CNTN5: variants seen among roughly 807,000 people sequenced by gnomAD.
The protein encoded by CNTN5 is contactin-5.
A neutral mutation model predicts 129.1 loss-of-function variants in CNTN5; 77 were observed. That is an observed-to-expected ratio of 0.60 (90% CI 0.50 to 0.72). The LOEUF (loss-of-function observed/expected upper bound fraction) is 0.72, where lower values mean the gene tolerates loss of function less well. CNTN5 is among the 30% of genes least tolerant of loss of function. CNTN5 has a pLI of 0.00. For synonymous variants in CNTN5, 509 were observed against 465.6 expected (o/e 1.09, Z -1.20); for missense variants, 1,478 against 1,328.8 (o/e 1.11, Z -1.75).
At chr11:99,566,149 T>G (rs1200734749) in intron 3 of CNTN5, among the ~76,000 whole-genome samples, 1 of 152,160 alleles carries the variant, frequency 6.6e-6, no homozygotes, top group African/African-American at 2.4e-5. Context: ...CCTGAATAGC[T>G]TGGTGCCCTC....
At chr11:100,096,892 A>T (rs1009575091) in intron 13 of CNTN5, among the ~76,000 whole-genome samples, 4 of 152,116 alleles carry the variant, frequency 2.6e-5, no homozygotes, top group African/African-American at 7.2e-5. Flanking sequence ...GTAGATGGAA[A>T]AAGCTTTTTT....
At chr11:99,340,297 G>C (rs1467998187) in intron 2 of CNTN5, among the ~76,000 whole-genome samples, 1 of 152,122 alleles carries the variant, frequency 6.6e-6, no homozygotes, top group East Asian at 1.9e-4. Context: ...TATAAATTTG[G>C]AGTATAAGGA....
At chr11:99,029,985 T>C (rs1233125865) in intron 1 of CNTN5, among the ~76,000 whole-genome samples, 3 of 152,124 alleles carry the variant, frequency 2.0e-5, no homozygotes, top group African/African-American at 7.2e-5. Context: ...AATGAAAATC[T>C]AGGGATTGAC....
At chr11:99,753,868 A>G (rs1040213135) in intron 3 of CNTN5, among the ~76,000 whole-genome samples, 2 of 150,992 alleles carry the variant, frequency 1.3e-5, no homozygotes, top group African/African-American at 4.9e-5. Flanking sequence ...TTGTATTTTT[A>G]GTAGAAATGG....
At chr11:99,577,879 C>A (rs2135597388) in intron 3 of CNTN5, among the ~76,000 whole-genome samples, 1 of 151,526 alleles carries the variant, frequency 6.6e-6, no homozygotes, top group East Asian at 1.9e-4. Flanking sequence ...GCACAACGTG[C>A]AGGTTTGTTA....
Position 99,753,119 on chromosome 11 carries a change from C to CTTTTTTT in CNTN5, c.56-66410_56-66404dup, listed in dbSNP as rs375324214. Among the ~76,000 whole-genome samples the CTTTTTTT allele has an allele frequency of 7.8e-3, 730 of 93,060 alleles. 34 individuals carry two copies. The highest frequency in any genetic ancestry group is 0.022 in the East Asian group (59 of 2,692). The allele number at this position is 93,060 out of a possible 152,430, so 61.1% of individuals were successfully genotyped here. ...TTTATAACATTTTAAGCCATATTTG[C>CTTTTTTT]TTTTTTTTTTTTTTTTTTTTTGAGA... On this transcript the variant is annotated intron_variant, in intron 3 of 24. Transcript: ENST00000524871.
intron 2 of CNTN5, among the ~76,000 whole-genome samples, chr11:99,333,810 TC>T (rs1252031654): frequency 6.6e-6 from 1 of 152,026 alleles, no homozygotes; most frequent in Non-Finnish European, 1.5e-5. Context: ...TTTAACTCTC[TC>T]TAGTGTCTTC....
At chr11:99,145,001 T>C (rs1320011569) in intron 1 of CNTN5, among the ~76,000 whole-genome samples, 2 of 152,168 alleles carry the variant, frequency 1.3e-5, no homozygotes, top group East Asian at 3.9e-4. Context: ...GTATTTATGT[T>C]GGTATCTGCA....
intron 13 of CNTN5, among the ~76,000 whole-genome samples, chr11:100,186,425 GC>G (rs1948303206): frequency 6.6e-6 from 1 of 151,902 alleles, no homozygotes; most frequent in Non-Finnish European, 1.5e-5. Flanking sequence ...CCAGAAAATG[GC>G]CCCGAAATCA....
chr11:99,607,368 T>A lies in CNTN5; in HGVS notation c.55+51099T>A, dbSNP rs954613471. On this transcript the variant is annotated intron_variant, in intron 3 of 24. Transcript: ENST00000524871. ...AAGAAATGCTCACCATCACTGGCCA[T>A]CAGAGAAATGCAAATCAAAACCACT... 7.2e-4 allele frequency among the ~76,000 whole-genome samples: 106 copies of A among 148,192 alleles called. No homozygotes were observed. In the East Asian group the frequency reaches 0.021, roughly 29 times the overall value.
At chr11:99,391,935 T>G (rs1941283478) in intron 2 of CNTN5, among the ~76,000 whole-genome samples, 1 of 151,880 alleles carries the variant, frequency 6.6e-6, no homozygotes, top group South Asian at 2.1e-4. Context: ...TCTCAAGAAG[T>G]AAAACAGAAT....
chr11:100,189,048 T>C (rs1247860104), intron 13 of CNTN5, among the ~76,000 whole-genome samples: 2 of 151,940 alleles, frequency 1.3e-5, no homozygotes, highest in Non-Finnish European at 2.9e-5. Context: ...GACATTAAAA[T>C]GGCAACAATA....
chr11:100,195,270 T>G (rs1477198048), intron 15 of CNTN5, among the ~76,000 whole-genome samples: 6 of 151,946 alleles, frequency 3.9e-5, no homozygotes, highest in African/African-American at 7.2e-5. Flanking sequence ...CATCTAAAAA[T>G]AAATAGCCCC....
At chr11:100,151,567 GTACA>G (rs1463006570) in intron 13 of CNTN5, among the ~76,000 whole-genome samples, 4 of 152,074 alleles carry the variant, frequency 2.6e-5, no homozygotes, top group Non-Finnish European at 5.9e-5. Context: ...AAGCAACCCG[GTACA>G]TCGACTTATA....
intron 3 of CNTN5, among the ~76,000 whole-genome samples, chr11:99,791,761 A>G (rs1264470663): frequency 5.3e-5 from 8 of 151,726 alleles, no homozygotes; most frequent in Non-Finnish European, 8.8e-5. Context: ...ATATTTTTCT[A>G]TTTGTCTTTT....
chr11:99,115,765 G>C (rs1177573739), intron 1 of CNTN5, among the ~76,000 whole-genome samples: 1 of 151,566 alleles, frequency 6.6e-6, no homozygotes, highest in African/African-American at 2.4e-5. Context: ...CGTCTCAAAG[G>C]GAACAACAAC....
intron 3 of CNTN5, among the ~76,000 whole-genome samples, chr11:99,688,680 T>A (rs1159073564): frequency 1.3e-5 from 2 of 152,158 alleles, no homozygotes; most frequent in Non-Finnish European, 2.9e-5. Context: ...ACATGTGTCA[T>A]GGTGCTACAC....
At chr11:99,215,499 T>C (rs1394802947) in intron 1 of CNTN5, among the ~76,000 whole-genome samples, 1 of 152,150 alleles carries the variant, frequency 6.6e-6, no homozygotes, top group Admixed American at 6.6e-5. Flanking sequence ...CGATAAGGAC[T>C]CCATGATATT....
intron 4 of CNTN5, among the ~76,000 whole-genome samples, chr11:99,830,856 C>T (rs920841201): frequency 6.6e-6 from 1 of 152,098 alleles, no homozygotes; most frequent in Non-Finnish European, 1.5e-5. Flanking sequence ...TCTTTCAGCA[C>T]TTACAGCAGT....
Sources: gnomAD v4.1 joint callset for allele counts (sites outside exome capture counted in the v4.1 genomes callset) on GRCh38, gnomAD v4.1.1 for gene constraint, MANE v1.5 for transcripts, NCBI Gene and HGNC (gene_info 2026-07-23, HGNC 2026-07-21) for gene names.